RASGRP4: variants seen among roughly 807,000 people sequenced by gnomAD.
RASGRP4 encodes the protein RAS guanyl releasing protein 4, also known as RAS guanyl-releasing protein 4.
In RASGRP4, 52 loss-of-function variants were observed where a neutral mutation model predicts 84.4. The ratio of observed to expected loss-of-function variants is 0.62; its 90% CI spans 0.49 to 0.78. The LOEUF (loss-of-function observed/expected upper bound fraction) is 0.78, where lower values mean the gene tolerates loss of function less well. Among genes scored for constraint, RASGRP4 ranks in the 30% least tolerant of loss-of-function variants. The pLI, the probability that RASGRP4 is intolerant of heterozygous loss-of-function variation, is 0.00. For synonymous variants in RASGRP4, 356 were observed against 359.1 expected, an observed-to-expected ratio of 0.99 and a Z score of 0.10; for missense variants, 760 against 886.9, an observed-to-expected ratio of 0.86 and a Z score of 1.82.
Position 38,421,142 on chromosome 19 carries a change from G to A in RASGRP4, c.267C>T (p.His89=). Residue 89 remains histidine (H), a synonymous_variant, in exon 3 of 17, where the codon CAC becomes CAT. Transcript: ENST00000615439. ...DHMLNMVLAM[H]SWVLPSADLA... The stretch of plus-strand genomic sequence containing the variant: ...GGTCGGCGGACGGCAGCACCCAGCT[G>A]TGCATGGCCAGCACCATGTTGAGCA... 6.2e-7 allele frequency: 1 copy of A among 1,613,920 alleles called. No homozygotes were observed. Among genetic ancestry groups the A allele is most frequent in the Non-Finnish European group, 8.5e-7 (1 of 1,179,864 alleles).
intron 9 of RASGRP4, among the ~76,000 whole-genome samples, chr19:38,414,178 G>C (rs1313029643): frequency 1.3e-5 from 2 of 152,144 alleles, no homozygotes; most frequent in Non-Finnish European, 2.9e-5. Flanking sequence ...GCCTACCTCA[G>C]CCTCCCAAAG....
In RASGRP4 at chr19:38,413,192, C is replaced by A; in HGVS notation, c.1416+1G>T. 3 of 1,612,856 alleles carry A rather than the reference C, an allele frequency of 1.9e-6. No individual in the cohort carries two copies. Among genetic ancestry groups the A allele is most frequent in the Non-Finnish European group, 2.5e-6 (3 of 1,179,406 alleles). On this transcript the variant is annotated splice_donor_variant, in intron 11 of 16. Transcript: ENST00000615439. LOFTEE classifies it high-confidence loss of function. The surrounding 1 kb of genome is among the most constrained non-coding windows in gnomAD (Gnocchi z 4.7). ...CGGCCGGGCCACCCTCCCCTCCTTA[C>A]CTCCACCAGCTGCTCCACATGCCGA...
In RASGRP4 at chr19:38,413,078, G is replaced by C; in HGVS notation, c.1417-29C>G. On this transcript the variant is annotated intron_variant, in intron 11 of 16. Transcript: ENST00000615439. This position sits in a 1 kb window ranked among gnomAD's most constrained non-coding sequence, Gnocchi z 4.7. Reference sequence around the variant, plus strand: ...CAGAGGAGTGTGGGGAAGCAGATAAGGCCCAGTTGTCGAAATATGATCCCC... The same window carrying C: ...CAGAGGAGTGTGGGGAAGCAGATAACGCCCAGTTGTCGAAATATGATCCCC... 6.3e-7 allele frequency: 1 copy of C among 1,597,474 alleles called. No individual in the cohort carries two copies.
In RASGRP4 at chr19:38,411,162, G is replaced by T. The variant is rs760304432; in HGVS notation, c.1805C>A (p.Pro602His). 7.4e-6 allele frequency: 12 copies of T among 1,613,796 alleles called. No homozygotes were observed. The Admixed American group carries it at 8.3e-5, about 11-fold the overall frequency. The part of the protein sequence containing the change: ...KRPGAKGDAG[P>H]PGAPVPSTPA... The stretch of plus-strand genomic sequence containing the variant: ...TGTGGATGGGACAGGAGCTCCGGGG[G>T]GTCCTGCATCGCCCTTGGCCCCTGG... Residue 602 changes from proline (P) to histidine (H), a missense_variant, in exon 15 of 17, where the codon CCC becomes CAC. Transcript: ENST00000615439.
At chr19:38,411,048 T>C in intron 15 of RASGRP4, 50 bp from the exon 16 acceptor site, 1 of 1,611,072 alleles carries the variant, frequency 6.2e-7, no homozygotes, top group Non-Finnish European at 8.5e-7. Flanking sequence ...AAGGACCTCT[T>C]CTTGACCTTG....
In RASGRP4 at chr19:38,410,026, A is replaced by G; in HGVS notation, c.*14T>C. ...GGGGGAAGGGAGTGAGGAAGAGAGG[A>G]GACCAAGAGATGTCTAGGAATCCAG... On this transcript the variant is annotated 3_prime_UTR_variant, in exon 17 of 17. Transcript: ENST00000615439. 8 of 1,606,588 alleles carry G rather than the reference A, an allele frequency of 5.0e-6. No individual in the cohort carries two copies. The highest frequency in any genetic ancestry group is 6.8e-6 in the Non-Finnish European group (8 of 1,175,404).
chr19:38,411,335 C>G lies in RASGRP4; in HGVS notation c.1717+10G>C, dbSNP rs1177874236. 3 of 1,605,144 alleles carry G rather than the reference C, an allele frequency of 1.9e-6. No homozygotes were observed. The Admixed American group carries it at 5.1e-5, about 27-fold the overall frequency. ...AAGGCTTCCCTCCCACTCACTGACA[C>G]CCCACTCACCCCGACAGCGGTAGCC... On this transcript the variant is annotated intron_variant, in intron 14 of 16. Transcript: ENST00000615439.
intron 16 of RASGRP4, 79 bp from the exon 17 acceptor site, chr19:38,410,175 G>T: frequency 2.6e-6 from 3 of 1,160,692 alleles, no homozygotes; most frequent in South Asian, 1.4e-5. Context: ...TCACTGCCAG[G>T]AACACTTCCC....
Position 38,409,838 on chromosome 19 carries a change from G to C in RASGRP4, c.*202C>G. The stretch of plus-strand genomic sequence containing the variant: ...CACAGATACTAAGTGCAGGGAAAGG[G>C]AGCAGGATTAGCATCCACCAGGATG... On this transcript the variant is annotated 3_prime_UTR_variant, in exon 17 of 17. Coordinates refer to ENST00000615439, the MANE Select transcript of RASGRP4 (RefSeq NM_170604.3). 1.9e-6 allele frequency: 1 copy of C among 525,266 alleles called. No homozygotes were observed. The highest frequency in any genetic ancestry group is 3.4e-6 in the Non-Finnish European group (1 of 293,084). The allele number at this position is 525,266 out of a possible 1,614,324, so 32.5% of individuals were successfully genotyped here.
intron 6 of RASGRP4, among the ~76,000 whole-genome samples, chr19:38,419,160 A>G (rs187770765): frequency 3.2e-4 from 49 of 152,292 alleles, no homozygotes; most frequent in Non-Finnish European, 5.7e-4. Flanking sequence ...TGATGTCCAG[A>G]TGGCAAAAGC....
intron 1 of RASGRP4, among the ~76,000 whole-genome samples, chr19:38,424,176 G>A (rs886731028): frequency 3.3e-5 from 5 of 151,964 alleles, no homozygotes; most frequent in Non-Finnish European, 5.9e-5. Flanking sequence ...CTGGAGTGCA[G>A]TGGTGCGATC....
rs1342136783 is a variant in RASGRP4, at chr19:38,417,516, T to C, written c.838-348A>G. Among the ~76,000 whole-genome samples, 1 of 152,144 alleles carries C rather than the reference T, an allele frequency of 6.6e-6. No homozygotes were observed. The highest frequency in any genetic ancestry group is 1.5e-5 in the Non-Finnish European group (1 of 68,014). ...CAGACATGTCAGGGTGTCAGCCATCTGGGGGTCTGACTGCTCTGAGAGTCA... is the reference window on the plus strand; with the variant it reads ...CAGACATGTCAGGGTGTCAGCCATCCGGGGGTCTGACTGCTCTGAGAGTCA... On this transcript the variant is annotated intron_variant, in intron 7 of 16. Coordinates refer to ENST00000615439, the MANE Select transcript of RASGRP4 (RefSeq NM_170604.3). The surrounding 1 kb of genome is among the most constrained non-coding windows in gnomAD (Gnocchi z 5.1).
intron 16 of RASGRP4, among the ~76,000 whole-genome samples, chr19:38,410,615 G>A (rs1022987449): frequency 9.2e-5 from 14 of 151,888 alleles, no homozygotes; most frequent in South Asian, 2.1e-4. Flanking sequence ...GTTTTATCAC[G>A]TTGGCCAGGC....
intron 8 of RASGRP4, among the ~76,000 whole-genome samples, 161 bp from the exon 9 acceptor site, chr19:38,415,284 T>G (rs1404064395): frequency 3.3e-5 from 5 of 152,072 alleles, no homozygotes; most frequent in African/African-American, 1.2e-4. Flanking sequence ...CCCAAACTGC[T>G]CTTCCTCTTG....
chr19:38,411,276 G>C, intron 14 of RASGRP4, 27 bp from the exon 15 acceptor site: 1 of 1,613,376 alleles, frequency 6.2e-7, no homozygotes, highest in Non-Finnish European at 8.5e-7. Flanking sequence ...GCAGGGGTCC[G>C]ATCTGTGTCA....
In RASGRP4 at chr19:38,419,838, G is replaced by A. The variant is rs150695199; in HGVS notation, c.663+22C>T. The A allele has an allele frequency of 1.6e-3, 2,497 of 1,566,734 alleles. 52 individuals are homozygous for A. In the East Asian group the frequency reaches 0.043, roughly 27 times the overall value. On this transcript the variant is annotated intron_variant, in intron 6 of 16. Transcript: ENST00000615439. ...CCCCAGTGTCTCCCCTGCTTGGGAC[G>A]GGGATGGGAGGGGGTCCTCACCGTG...
Position 38,421,185 on chromosome 19 carries a change from A to T in RASGRP4, c.224T>A (p.Leu75Gln). 2 of 1,613,362 alleles carry T rather than the reference A, an allele frequency of 1.2e-6. No individual in the cohort carries two copies. Among genetic ancestry groups the T allele is most frequent in the Non-Finnish European group, 1.7e-6 (2 of 1,179,450 alleles). ...CIQSFDSAGS[L>Q]CHEDHMLNMV... ...GTTGAGCATGTGGTCCTCGTGGCAC[A>T]GGCTGCCAGCTGAATCTGGGGTGGA... Residue 75 changes from leucine (L) to glutamine (Q), a missense_variant, in exon 3 of 17, where the codon CTG becomes CAG. Leu to Gln is a moderately radical substitution (Grantham distance 113). Coordinates refer to ENST00000615439, the MANE Select transcript of RASGRP4 (RefSeq NM_170604.3).
intron 1 of RASGRP4, among the ~76,000 whole-genome samples, chr19:38,423,844 TA>T (rs1297743850): frequency 1.3e-5 from 2 of 151,610 alleles, no homozygotes; most frequent in African/African-American, 4.8e-5. Context: ...CTCAAAATAA[TA>T]ATAATAATAA....
In RASGRP4 at chr19:38,420,942, C is replaced by G; in HGVS notation, c.343G>C (p.Glu115Gln). Residue 115 changes from glutamate (E) to glutamine (Q), a missense_variant, in exon 4 of 17, where the codon GAG (glutamate) becomes CAG (glutamine). Glu to Gln is a conservative substitution (Grantham distance 29). Coordinates refer to ENST00000615439, the MANE Select transcript of RASGRP4 (RefSeq NM_170604.3). ...TGACAGATCTGCAGCCGTCTCAGCT[C>G]CTGGGTGTCCCCTGTGGCCTTCTGG... Reference protein sequence around the residue: ...SYQKATGDTQELRRLQICHLV... With the variant: ...SYQKATGDTQQLRRLQICHLV... 10 of 1,613,918 alleles carry G rather than the reference C, an allele frequency of 6.2e-6. No individual in the cohort carries two copies. The highest frequency in any genetic ancestry group is 8.5e-6 in the Non-Finnish European group (10 of 1,179,860).
Sources: gnomAD v4.1 joint callset for allele counts (sites outside exome capture counted in the v4.1 genomes callset) on GRCh38, gnomAD v4.1.1 for gene constraint, Gnocchi (gnomAD v3.1) non-coding constraint, MANE v1.5 for transcripts, NCBI Gene and HGNC (gene_info 2026-07-23, HGNC 2026-07-21) for gene names.